Variants in MAP1A observed in about 807,000 individuals in gnomAD.
MAP1A encodes the protein microtubule associated protein 1A.
A neutral mutation model predicts 185.9 loss-of-function variants in MAP1A; 42 were observed. That is an observed-to-expected ratio of 0.23 (90% CI 0.18 to 0.29). MAP1A has a LOEUF of 0.29. Among genes scored for constraint, MAP1A ranks in the 10% least tolerant of loss-of-function variants. The pLI, the probability that MAP1A is intolerant of heterozygous loss-of-function variation, is 1.00. For missense variants in MAP1A, 2,995 were observed against 3,450.4 expected (o/e 0.87, Z 3.31); for synonymous variants, 1,229 against 1,335.9 (o/e 0.92, Z 1.74).
Position 43,528,428 on chromosome 15 carries a change from G to T in MAP1A, c.6955G>T (p.Ala2319Ser). ...APPASLDLAL[A>S]PAPSLPGDMG... ...CCCAGCTTCACTGGACTTGGCCCTA[G>T]CTCCAGCTCCAAGCCTGCCTGGAGA... is the stretch of plus-strand genomic sequence containing the variant. The change falls in exon 4 of 6, where the codon GCT becomes TCT. Residue 2319 changes from alanine to serine, a missense_variant. By Grantham distance (99) the Ala-to-Ser change is moderately conservative. This residue lies in a region of MAP1A where 2,728 missense variants were observed against 2,986.0 expected (regional missense o/e 0.91). Coordinates refer to ENST00000300231, the MANE Select transcript of MAP1A (RefSeq NM_002373.6). The T allele has an allele frequency of 6.2e-7, 1 of 1,613,580 alleles. No homozygotes were observed. The highest frequency in any genetic ancestry group is 8.5e-7 in the Non-Finnish European group (1 of 1,180,028).
chr15:43,524,191 C>T lies in MAP1A; in HGVS notation c.2718C>T (p.Gly906=). 1 of 1,614,196 alleles carries T rather than the reference C, an allele frequency of 6.2e-7. No homozygotes were observed. Among genetic ancestry groups the T allele is most frequent in the South Asian group, 1.1e-5 (1 of 91,090 alleles). The change falls in exon 4 of 6, where the codon GGC becomes GGT. Residue 906 remains glycine, a synonymous_variant. Transcript: ENST00000300231. ...CCTCCTCACTGGAAGAAGACAAGGG[C>T]TTCAAATCACCACCCTGTGAGGACT... ...SPTSSLEEDK[G]FKSPPCEDFS...
upstream of MAP1A, among the ~76,000 whole-genome samples, chr15:43,516,754 T>A (rs955051233): frequency 6.6e-6 from 1 of 152,232 alleles, no homozygotes; most frequent in African/African-American, 2.4e-5. Flanking sequence ...AGGGTTTTTT[T>A]AATCTAAAGA....
chr15:43,530,024 T>C, intron 5 of MAP1A, 45 bp from the exon 6 acceptor site: 1 of 1,604,316 alleles, frequency 6.2e-7, no homozygotes, highest in African/African-American at 1.3e-5. Flanking sequence ...CTCACCTACC[T>C]TCCCTTTATG....
upstream of MAP1A, chr15:43,517,516 C>T (rs952410210): frequency 3.5e-5 from 6 of 170,200 alleles, no homozygotes; most frequent in Non-Finnish European, 7.1e-5. Context: ...ACAGTTAAGT[C>T]TCCAGTGCCT....
At position 43,530,048 on chromosome 15, in the gene MAP1A, CAT is replaced by C; in HGVS notation, c.8257-18_8257-17del. On this transcript the variant is annotated intron_variant, in intron 5 of 5. Coordinates refer to ENST00000300231, the MANE Select transcript of MAP1A (RefSeq NM_002373.6). ...CTTCCCTTTATGTTCTCACATCAGA[CAT>C]ATCTTATCTCCCTTCTAGGTGACTC... The C allele has an allele frequency of 6.2e-7, 1 of 1,612,966 alleles. No individual in the cohort carries two copies. The highest frequency in any genetic ancestry group is 8.5e-7 in the Non-Finnish European group (1 of 1,179,146).
chr15:43,527,701 T>G lies in MAP1A; in HGVS notation c.6228T>G (p.Pro2076=). The G allele has an allele frequency of 6.5e-7, 1 of 1,527,470 alleles. No homozygotes were observed. The highest frequency in any genetic ancestry group is 8.8e-7 in the Non-Finnish European group (1 of 1,137,742). The allele number at this position is 1,527,470 out of a possible 1,614,324, so 94.6% of individuals were successfully genotyped here. ...TCCTGAGCAAAGGCCCAAGCCCCCCTCTTAATGGTAACATCCTGAGCTGCA... is the reference window on the plus strand; with the variant it reads ...TCCTGAGCAAAGGCCCAAGCCCCCCGCTTAATGGTAACATCCTGAGCTGCA... ...APILSKGPSP[P]LNGNILSCSP... Residue 2076 remains proline, a synonymous_variant, in exon 4 of 6, where the codon CCT becomes CCG. Transcript: ENST00000300231.
At position 43,524,280 on chromosome 15, in the gene MAP1A, G is replaced by A. The variant is rs2079332697; in HGVS notation, c.2807G>A (p.Arg936Lys). ...EIIGKGLSGE[R>K]AVEEEEEETA... ...ATAGGGAAAGGCTTGTCTGGAGAGA[G>A]AGCTGTGGAAGAGGAAGAGGAGGAG... The change falls in exon 4 of 6, where the codon AGA becomes AAA. Residue 936 changes from arginine (R) to lysine (K), a missense_variant. Physicochemically the swap from Arg to Lys is conservative, Grantham distance 26. Around this residue, in one of 3 missense-constraint regions of MAP1A, gnomAD observed 2,728 missense variants for 2,986.0 expected, o/e 0.91. Transcript: ENST00000300231. The A allele has an allele frequency of 2.5e-6, 4 of 1,614,130 alleles. No homozygotes were observed. The highest frequency in any genetic ancestry group is 4.5e-5 in the East Asian group (2 of 44,900).
Position 43,523,915 on chromosome 15 carries a change from C to T in MAP1A, c.2442C>T (p.Asn814=). The T allele has an allele frequency of 6.2e-7, 1 of 1,614,210 alleles. No homozygotes were observed. Among genetic ancestry groups the T allele is most frequent in the Admixed American group, 1.7e-5 (1 of 60,036 alleles). ...AGACTGAACTCACCTACCCCACTAA[C>T]ATAGTGGCTGCCCCTTTGGCTGAAG... ...TPETELTYPT[N]IVAAPLAEEE... Residue 814 remains asparagine, a synonymous_variant, in exon 4 of 6, where the codon AAC becomes AAT. Coordinates refer to ENST00000300231, the MANE Select transcript of MAP1A (RefSeq NM_002373.6).
chr15:43,527,924 G>A lies in MAP1A; in HGVS notation c.6451G>A (p.Asp2151Asn). The change falls in exon 4 of 6, where the codon GAC becomes AAC. Residue 2151 changes from aspartate (D) to asparagine (N), a missense_variant. By Grantham distance (23) the Asp-to-Asn change is conservative. Coordinates refer to ENST00000300231, the MANE Select transcript of MAP1A (RefSeq NM_002373.6). ...ETEAHVSPPLDSHLGPARPSL... is the reference protein window; with the variant it reads ...ETEAHVSPPLNSHLGPARPSL... ...TGAGGCACATGTTAGCCCTCCCTTGGACTCACACCTGGGGCCTGCCCGACC... is the reference window on the plus strand; with the variant it reads ...TGAGGCACATGTTAGCCCTCCCTTGAACTCACACCTGGGGCCTGCCCGACC... 2 of 1,614,098 alleles carry A rather than the reference G, an allele frequency of 1.2e-6. No homozygotes were observed. Among genetic ancestry groups the A allele is most frequent in the Non-Finnish European group, 1.7e-6 (2 of 1,180,018 alleles).
chr15:43,518,224 G>A (rs690170), intron 1 of MAP1A, among the ~76,000 whole-genome samples: 3 of 151,922 alleles, frequency 2.0e-5, no homozygotes, highest in East Asian at 3.9e-4. Context: ...TCACTAAGAC[G>A]TGGCACGCGC....
Position 43,528,124 on chromosome 15 carries a change from C to T in MAP1A, c.6651C>T (p.Tyr2217=), listed in dbSNP as rs1307261920. ...CCACCAGAACCCGGCATGATGAATACCTGGAAGTGACCAAGGCCCCCAGCC... is the reference window on the plus strand; with the variant it reads ...CCACCAGAACCCGGCATGATGAATATCTGGAAGTGACCAAGGCCCCCAGCC... The part of the protein sequence containing the change: ...GPPTRTRHDE[Y]LEVTKAPSLD... The change falls in exon 4 of 6, where the codon TAC becomes TAT. Residue 2217 remains tyrosine (Y), a synonymous_variant. Coordinates refer to ENST00000300231, the MANE Select transcript of MAP1A (RefSeq NM_002373.6). 4 of 1,613,988 alleles carry T rather than the reference C, an allele frequency of 2.5e-6. No individual in the cohort carries two copies. In the African/African-American group the frequency reaches 4.0e-5, roughly 16 times the overall value.
chr15:43,526,375 A>G lies in MAP1A; in HGVS notation c.4902A>G (p.Arg1634=), dbSNP rs2079343585. 1 of 1,614,094 alleles carries G rather than the reference A, an allele frequency of 6.2e-7. No individual in the cohort carries two copies. Among genetic ancestry groups the G allele is most frequent in the Admixed American group, 1.7e-5 (1 of 59,998 alleles). The part of the protein sequence containing the change: ...EESLVQEGRA[R]EQEEKYWRGQ... ...GCCTAGTGCAGGAGGGCAGGGCCAG[A>G]GAGCAGGAAGAAAAGTACTGGAGGG... is the stretch of plus-strand genomic sequence containing the variant. Residue 1634 remains arginine (R), a synonymous_variant, in exon 4 of 6, where the codon AGA becomes AGG. Coordinates refer to ENST00000300231, the MANE Select transcript of MAP1A (RefSeq NM_002373.6). This position sits in a 1 kb window ranked among gnomAD's most constrained non-coding sequence, Gnocchi z 4.7.
chr15:43,520,641 G>A lies in MAP1A; in HGVS notation c.-374G>A. 1.3e-6 allele frequency: 2 copies of A among 1,538,432 alleles called. No homozygotes were observed. The highest frequency in any genetic ancestry group is 1.8e-6 in the Non-Finnish European group (2 of 1,136,252). ...ATAAATTCCTACATCTCTCCCTCAGGCCAGAGGACCCTTTGCCACCAGAGT... is the reference window on the plus strand; with the variant it reads ...ATAAATTCCTACATCTCTCCCTCAGACCAGAGGACCCTTTGCCACCAGAGT... On this transcript the variant is annotated splice_region_variant and 5_prime_UTR_variant, in exon 2 of 6. Transcript: ENST00000300231.
chr15:43,522,916 T>C lies in MAP1A; in HGVS notation c.1443T>C (p.Pro481=). 3 of 1,613,566 alleles carry C rather than the reference T, an allele frequency of 1.9e-6. No individual in the cohort carries two copies. Among genetic ancestry groups the C allele is most frequent in the Non-Finnish European group, 2.5e-6 (3 of 1,179,768 alleles). Residue 481 remains proline, a synonymous_variant, in exon 4 of 6, where the codon CCT becomes CCC. Transcript: ENST00000300231. The surrounding 1 kb of genome is among the most constrained non-coding windows in gnomAD (Gnocchi z 5.9). ...AGACCCTCTATAAAGCCAAGGTCCCTGGAAGAGTCAAAATAGACAGGAGCC... is the reference window on the plus strand; with the variant it reads ...AGACCCTCTATAAAGCCAAGGTCCCCGGAAGAGTCAAAATAGACAGGAGCC... ...VRKTLYKAKV[P]GRVKIDRSRA... is the part of the protein sequence containing the mutation.
In MAP1A at chr15:43,524,125, G is replaced by A. The variant is rs780991965; in HGVS notation, c.2652G>A (p.Gln884=). ...CTTCCTCCCGTACTGAAGCTACGCA[G>A]GGCTTGGACTATGTGCCATCAGCTG... is the stretch of plus-strand genomic sequence containing the variant. ...SIPSSRTEAT[Q]GLDYVPSAGT... The change falls in exon 4 of 6, where the codon CAG becomes CAA. Residue 884 remains glutamine (Q), a synonymous_variant. Transcript: ENST00000300231. The A allele has an allele frequency of 1.6e-5, 26 of 1,614,160 alleles. No homozygotes were observed. The highest frequency in any genetic ancestry group is 2.1e-5 in the Non-Finnish European group (25 of 1,180,030).
In MAP1A at chr15:43,525,198, A is replaced by G; in HGVS notation, c.3725A>G (p.Gln1242Arg). 1 of 1,614,162 alleles carries G rather than the reference A, an allele frequency of 6.2e-7. No homozygotes were observed. Among genetic ancestry groups the G allele is most frequent in the Non-Finnish European group, 8.5e-7 (1 of 1,180,028 alleles). The change falls in exon 4 of 6, where the codon CAG becomes CGG. Residue 1242 changes from glutamine (Q) to arginine (R), a missense_variant. Around this residue, in one of 3 missense-constraint regions of MAP1A, gnomAD observed 2,728 missense variants for 2,986.0 expected, o/e 0.91. Transcript: ENST00000300231. Reference protein sequence around the residue: ...LGKEEMGHLMQAEDTSHHTAP... With the variant: ...LGKEEMGHLMRAEDTSHHTAP... ...AAGGAAGAAATGGGGCATCTGATGC[A>G]GGCCGAGGATACCTCTCACCACACA...
chr15:43,517,922 C>T (rs1224990619), intron 1 of MAP1A, among the ~76,000 whole-genome samples: 1 of 152,194 alleles, frequency 6.6e-6, no homozygotes, highest in African/African-American at 2.4e-5. Context: ...CAGTCCACCT[C>T]TCCAGCTGGG....
chr15:43,516,802 GC>G (rs2079299183), upstream of MAP1A, among the ~76,000 whole-genome samples: 1 of 152,186 alleles, frequency 6.6e-6, no homozygotes, highest in Non-Finnish European at 1.5e-5. Flanking sequence ...CTACAACCTT[GC>G]TTGGGCCGGA....
At chr15:43,510,969 A>G (rs1453960891) in exon 1 of MAP1A, 6 of 1,508,740 alleles carry the variant, frequency 4.0e-6, no homozygotes, top group Non-Finnish European at 4.5e-6. Context: ...CTGCCGGACT[A>G]ACACTCCGCG....
Sources: allele counts gnomAD v4.1 joint callset (sites outside exome capture counted in the v4.1 genomes callset), GRCh38; gene constraint gnomAD v4.1.1; regional missense constraint gnomAD v4.1.1; non-coding constraint Gnocchi (gnomAD v3.1); transcripts MANE v1.5; gene names NCBI Gene and HGNC (gene_info 2026-07-23, HGNC 2026-07-21).